The following RNLS variants were observed in gnomAD, a reference collection of about 807,000 sequenced individuals.
The protein encoded by RNLS is renalase, FAD dependent amine oxidase, also known as renalase.
RNLS carries 39 observed loss-of-function variants against 39.8 expected under a neutral mutation model. That is an observed-to-expected ratio of 0.98 (90% confidence interval 0.76 to 1.28). The LOEUF (loss-of-function observed/expected upper bound fraction) is 1.28, where lower values mean the gene tolerates loss of function less well. RNLS is among the 50% of genes most tolerant of loss of function. The pLI is 0.00. For missense variants in RNLS, 410 were observed against 413.3 expected (o/e 0.99, Z 0.07); for synonymous variants, 147 against 150.7 (o/e 0.98, Z 0.18).
At chr10:88,434,345 G>C (rs559648825) in intron 4 of RNLS, among the ~76,000 whole-genome samples, 1 of 152,228 alleles carries the variant, frequency 6.6e-6, no homozygotes, top group African/African-American at 2.4e-5. Flanking sequence ...CAGGACCAAG[G>C]CCTAATATAA....
intron 4 of RNLS, among the ~76,000 whole-genome samples, chr10:88,565,508 T>C (rs1014706206): frequency 6.6e-6 from 1 of 152,178 alleles, no homozygotes; most frequent in African/African-American, 2.4e-5. Flanking sequence ...AATTATTTCA[T>C]AACAATGAAT....
At chr10:88,575,413 A>C (rs1296642128) in intron 3 of RNLS, among the ~76,000 whole-genome samples, 1 of 151,580 alleles carries the variant, frequency 6.6e-6, no homozygotes, top group African/African-American at 2.4e-5. Flanking sequence ...TGAGCCTCGC[A>C]ATCCATGTTT....
the RNLS span, among the ~76,000 whole-genome samples, chr10:88,213,668 C>A: frequency 6.6e-6 from 1 of 152,066 alleles, no homozygotes; most frequent in African/African-American, 2.4e-5. Flanking sequence ...AGAGATACGG[C>A]CACAGAGCAT....
chr10:88,186,784 C>G, the RNLS span, among the ~76,000 whole-genome samples: 1 of 151,974 alleles, frequency 6.6e-6, no homozygotes, highest in Non-Finnish European at 1.5e-5. Flanking sequence ...AGGACAAGAT[C>G]AGAAGCCCGA....
At chr10:88,201,316 T>G in the RNLS span, among the ~76,000 whole-genome samples, 1 of 152,238 alleles carries the variant, frequency 6.6e-6, no homozygotes, top group African/African-American at 2.4e-5. Flanking sequence ...CTTCTCTATT[T>G]GAACCCATGT....
chr10:88,362,451 G>T, intron 5 of RNLS, 101 bp downstream of exon 5: 1 of 1,087,844 alleles, frequency 9.2e-7, no homozygotes, highest in Non-Finnish European at 1.3e-6. Flanking sequence ...GGAGTTAAAT[G>T]CTTGCTCTGT....
chr10:88,546,465 G>C (rs1362005475), intron 4 of RNLS, among the ~76,000 whole-genome samples: 11 of 152,072 alleles, frequency 7.2e-5, no homozygotes, highest in Admixed American at 7.2e-4. Context: ...TTAATACAAA[G>C]AGTTCCCTGA....
chr10:88,234,785 T>C, the RNLS span, among the ~76,000 whole-genome samples: 1 of 152,022 alleles, frequency 6.6e-6, no homozygotes, highest in Non-Finnish European at 1.5e-5. Flanking sequence ...GGGGTAAAAG[T>C]CAAAGCTTTT....
intron 4 of RNLS, among the ~76,000 whole-genome samples, chr10:88,413,217 TC>T (rs1356870715): frequency 6.6e-6 from 1 of 152,190 alleles, no homozygotes; most frequent in African/African-American, 2.4e-5. Context: ...CTTTCTTTGA[TC>T]TTTTCTTATG....
At chr10:88,537,013 A>AT (rs970388285) in intron 4 of RNLS, among the ~76,000 whole-genome samples, 98 of 152,304 alleles carry the variant, frequency 6.4e-4, no homozygotes, top group African/African-American at 2.2e-3. Flanking sequence ...CATATTACCA[A>AT]TTTTTAAAAG....
intron 4 of RNLS, among the ~76,000 whole-genome samples, chr10:88,420,072 A>G (rs997159251): frequency 4.7e-5 from 7 of 148,600 alleles, no homozygotes; most frequent in South Asian, 2.2e-4. Context: ...ATGAATAAAT[A>G]AATAAATAAA....
intron 4 of RNLS, among the ~76,000 whole-genome samples, chr10:88,424,743 T>C (rs191262106): frequency 1.2e-4 from 19 of 152,174 alleles, no homozygotes; most frequent in African/African-American, 2.9e-4. Flanking sequence ...GATGACTAGA[T>C]ATAAAAATTT....
At chr10:88,240,354 T>G in the RNLS span, among the ~76,000 whole-genome samples, 3 of 152,092 alleles carry the variant, frequency 2.0e-5, no homozygotes, top group African/African-American at 7.2e-5. Flanking sequence ...CCATAATACT[T>G]TTTTTATTTT....
intron 4 of RNLS, among the ~76,000 whole-genome samples, chr10:88,431,671 T>A (rs1855139547): frequency 6.6e-6 from 1 of 151,740 alleles, no homozygotes; most frequent in South Asian, 2.1e-4. Flanking sequence ...ATACGTTGTA[T>A]TTTCGCATTA....
intron 6 of RNLS, among the ~76,000 whole-genome samples, chr10:88,306,213 A>C (rs532883648): frequency 2.6e-5 from 4 of 152,306 alleles, no homozygotes; most frequent in African/African-American, 9.6e-5. Flanking sequence ...CTAAATGTCC[A>C]CCTGAAAAAG....
chr10:88,203,385 TACACGTATGTGTATATATATATATATAC>T, the RNLS span, among the ~76,000 whole-genome samples: 2 of 10,820 alleles, frequency 1.8e-4, no homozygotes, highest in Admixed American at 6.7e-4. Flanking sequence ...TATATATATA[TACACGTATGTGTATATATATATATATAC>T]ACGTATGTGT....
chr10:88,298,384 T>C (rs1844243681), intron 6 of RNLS, among the ~76,000 whole-genome samples: 1 of 152,154 alleles, frequency 6.6e-6, no homozygotes, highest in Non-Finnish European at 1.5e-5. Flanking sequence ...ATATTTTTGG[T>C]GTTGTATCTA....
intron 5 of RNLS, among the ~76,000 whole-genome samples, chr10:88,355,117 A>G (rs1446857527): frequency 6.6e-6 from 1 of 152,174 alleles, no homozygotes; most frequent in Admixed American, 6.5e-5. Context: ...CCATTTGTCT[A>G]ATCTTTTTTC....
At chr10:88,383,048 T>C (rs1414057704) in intron 4 of RNLS, among the ~76,000 whole-genome samples, 14 of 152,140 alleles carry the variant, frequency 9.2e-5, no homozygotes, top group Admixed American at 9.2e-4. Context: ...AGCGGTGCTT[T>C]GTGGAACATC....
Sources: gnomAD v4.1 joint callset for allele counts (sites outside exome capture counted in the v4.1 genomes callset) on GRCh38, gnomAD v4.1.1 for gene constraint, MANE v1.5 for transcripts, NCBI Gene and HGNC (gene_info 2026-07-23, HGNC 2026-07-21) for gene names.